Variants in YIPF1 observed in about 807,000 individuals in gnomAD.
YIPF1 encodes Yip1 domain family member 1, also known as protein YIPF1.
In YIPF1, 22 loss-of-function variants were observed where a neutral mutation model predicts 37.0. That is an observed-to-expected ratio of 0.59 (90% CI 0.42 to 0.85). The LOEUF is 0.85. YIPF1 is among the 40% of genes least tolerant of loss of function. YIPF1 has a pLI of 0.00. For synonymous variants in YIPF1, 128 were observed against 131.9 expected, an observed-to-expected ratio of 0.97 and a Z score of 0.21; for missense variants, 355 against 373.1, an observed-to-expected ratio of 0.95 and a Z score of 0.40.
intron 6 of YIPF1, among the ~76,000 whole-genome samples, chr1:53,875,039 T>A (rs1650299308): frequency 6.6e-6 from 1 of 152,184 alleles, no homozygotes; most frequent in Non-Finnish European, 1.5e-5. Flanking sequence ...ATATGTGAAT[T>A]CCTCTAAAAT....
At chr1:53,887,179 G>C (rs1045573723) in intron 3 of YIPF1, among the ~76,000 whole-genome samples, 1 of 151,830 alleles carries the variant, frequency 6.6e-6, no homozygotes, top group Non-Finnish European at 1.5e-5. Context: ...CTCTGGGTTT[G>C]AGCAATTCTC....
intron 3 of YIPF1, 110 bp from the exon 4 acceptor site, chr1:53,883,386 C>T (rs1299650474): frequency 1.6e-6 from 2 of 1,221,748 alleles, no homozygotes; most frequent in Admixed American, 4.0e-5. Flanking sequence ...ATAGACCCTA[C>T]CTGATACAAA....
intron 4 of YIPF1, 132 bp downstream of exon 4, chr1:53,882,981 G>A (rs1420206224): frequency 3.9e-6 from 4 of 1,025,082 alleles, no homozygotes; most frequent in Non-Finnish European, 5.4e-6. Context: ...CCCCACCAAG[G>A]AAGAGGCCAT....
intron 3 of YIPF1, among the ~76,000 whole-genome samples, chr1:53,887,476 A>T (rs1446551489): frequency 6.6e-6 from 1 of 151,950 alleles, no homozygotes; most frequent in Non-Finnish European, 1.5e-5. Flanking sequence ...GCTGCAAAGT[A>T]CAGACTGTAG....
intron 6 of YIPF1, among the ~76,000 whole-genome samples, chr1:53,877,751 C>T (rs1169327547): frequency 6.6e-6 from 1 of 152,238 alleles, no homozygotes; most frequent in Admixed American, 6.5e-5. Flanking sequence ...CAATCTCCAC[C>T]TAGTCAAAGT....
chr1:53,857,407 T>C (rs543314528), intron 10 of YIPF1, among the ~76,000 whole-genome samples: 1 of 152,286 alleles, frequency 6.6e-6, no homozygotes, highest in African/African-American at 2.4e-5. Context: ...AGACTGCTAC[T>C]AAACACCTCT....
chr1:53,867,388 T>C (rs74773575), intron 7 of YIPF1, among the ~76,000 whole-genome samples: 3 of 148,436 alleles, frequency 2.0e-5, no homozygotes, highest in Admixed American at 6.7e-5. Flanking sequence ...TTTTTTTTTT[T>C]TTGAGACAGA....
chr1:53,862,858 CA>C, intron 9 of YIPF1, among the ~76,000 whole-genome samples: 1 of 152,290 alleles, frequency 6.6e-6, no homozygotes, highest in East Asian at 1.9e-4. Context: ...AGTGAGGAGG[CA>C]GGAGTCCAGA....
intron 6 of YIPF1, among the ~76,000 whole-genome samples, chr1:53,876,473 T>C (rs1650338434): frequency 6.6e-6 from 1 of 152,238 alleles, no homozygotes; most frequent in Non-Finnish European, 1.5e-5. Flanking sequence ...CTCTCTGCTA[T>C]CAAACACTTC....
At position 53,866,331 on chromosome 1, in the gene YIPF1, C is replaced by T. The variant is rs751096127; in HGVS notation, c.700G>A (p.Ala234Thr). ...KAVRWILVMIALGISGSLLAM... is the reference protein window; with the variant it reads ...KAVRWILVMITLGISGSLLAM... ...AAGAGAGATCCTGAGATGCCCAGGG[C>T]AATCATGACTAGAATCCAACGAACA... Residue 234 changes from alanine (A) to threonine (T), a missense_variant, in exon 9 of 11, where the codon GCC becomes ACC. Coordinates refer to ENST00000072644, the MANE Select transcript of YIPF1 (RefSeq NM_018982.5). 1.2e-6 allele frequency: 2 copies of T among 1,614,088 alleles called. No homozygotes were observed. The highest frequency in any genetic ancestry group is 2.7e-5 in the African/African-American group (2 of 75,016).
At chr1:53,885,589 G>A (rs1650626702) in intron 3 of YIPF1, among the ~76,000 whole-genome samples, 1 of 152,098 alleles carries the variant, frequency 6.6e-6, no homozygotes, top group Admixed American at 6.5e-5. Flanking sequence ...GGGAGGCTGA[G>A]GCGAGCAGAT....
intron 6 of YIPF1, among the ~76,000 whole-genome samples, chr1:53,873,950 G>A (rs1301354776): frequency 1.3e-5 from 2 of 152,136 alleles, no homozygotes; most frequent in Admixed American, 1.3e-4. Context: ...CTCTGGCACG[G>A]GAACAGCTGG....
At chr1:53,874,216 C>T (rs1457995556) in intron 6 of YIPF1, among the ~76,000 whole-genome samples, 2 of 152,108 alleles carry the variant, frequency 1.3e-5, no homozygotes, top group African/African-American at 2.4e-5. Context: ...TCCAGCTACC[C>T]CCAGTGGAAG....
intron 7 of YIPF1, among the ~76,000 whole-genome samples, chr1:53,869,160 T>TCTCTCTCTCA (rs911930860): frequency 5.8e-5 from 8 of 138,054 alleles, no homozygotes; most frequent in African/African-American, 2.0e-4. Context: ...TCTCTCTCTC[T>TCTCTCTCTCA]CACACACACA....
intron 6 of YIPF1, 91 bp from the exon 7 acceptor site, chr1:53,871,579 T>C (rs1429169045): frequency 2.7e-6 from 3 of 1,099,844 alleles, no homozygotes; most frequent in South Asian, 1.4e-5. Context: ...CTTGTATTCA[T>C]GTTAGCAAAA....
intron 7 of YIPF1, among the ~76,000 whole-genome samples, chr1:53,869,579 C>CTCT (rs573288136): frequency 3.3e-4 from 51 of 152,240 alleles, no homozygotes; most frequent in African/African-American, 1.1e-3. Flanking sequence ...AGAACTGGTG[C>CTCT]TCTTATCCAG....
In YIPF1 at chr1:53,865,105, G is replaced by GT. The variant is rs142935795; in HGVS notation, c.831+1094dup. 8.8e-3 allele frequency among the ~76,000 whole-genome samples: 1,337 copies of GT among 152,224 alleles called. 12 individuals are homozygous for GT. The highest frequency in any genetic ancestry group is 0.031 in the African/African-American group (1,295 of 41,518). ...ACTTTAAATGTTGTTCACCTTAAAAGTAACTCCACTTTCCCATATCTGACT... is the reference window on the plus strand; with the variant it reads ...ACTTTAAATGTTGTTCACCTTAAAAGTTAACTCCACTTTCCCATATCTGACT... On this transcript the variant is annotated intron_variant, in intron 9 of 10. Coordinates refer to ENST00000072644, the MANE Select transcript of YIPF1 (RefSeq NM_018982.5).
intron 4 of YIPF1, among the ~76,000 whole-genome samples, chr1:53,882,055 T>C (rs1302625872): frequency 2.0e-5 from 3 of 152,196 alleles, no homozygotes; most frequent in African/African-American, 7.2e-5. Flanking sequence ...ATCATGTCCT[T>C]TGCAGGGACA....
intron 9 of YIPF1, among the ~76,000 whole-genome samples, chr1:53,865,972 T>C (rs1650010045): frequency 6.6e-6 from 1 of 151,984 alleles, no homozygotes; most frequent in Non-Finnish European, 1.5e-5. Flanking sequence ...CAGCTAATTT[T>C]TGTATTTTTA....
Sources: allele counts gnomAD v4.1 joint callset (sites outside exome capture counted in the v4.1 genomes callset), GRCh38; gene constraint gnomAD v4.1.1; transcripts MANE v1.5; gene names NCBI Gene and HGNC (gene_info 2026-07-23, HGNC 2026-07-21).